PTPRT: variants seen among roughly 807,000 people sequenced by gnomAD.
PTPRT encodes protein tyrosine phosphatase receptor type T, also known as receptor-type tyrosine-protein phosphatase T.
PTPRT carries 56 observed loss-of-function variants against 176.8 expected under a neutral mutation model. The ratio of observed to expected loss-of-function variants is 0.32; its 90% confidence interval spans 0.26 to 0.40. The LOEUF (loss-of-function observed/expected upper bound fraction) is 0.40. PTPRT is among the 10% of genes least tolerant of loss of function. PTPRT has a pLI of 1.00. For missense variants in PTPRT, 1,540 were observed against 1,908.2 expected (o/e 0.81, Z 3.60); for synonymous variants, 783 against 739.0 (o/e 1.06, Z -0.96).
At chr20:43,110,926 C>A (rs559600511) in intron 1 of PTPRT, among the ~76,000 whole-genome samples, 1 of 152,080 alleles carries the variant, frequency 6.6e-6, no homozygotes, top group Non-Finnish European at 1.5e-5. Context: ...ATCTCAGTGA[C>A]GAGGCAGCAC....
chr20:42,440,508 C>T (rs1217094946), intron 9 of PTPRT, among the ~76,000 whole-genome samples: 12 of 150,014 alleles, frequency 8.0e-5, no homozygotes, highest in African/African-American at 2.7e-4. Flanking sequence ...GACAGAGTCT[C>T]GCTCTGTTGC....
rs370795038 is a variant in PTPRT at position 42,282,503 on chromosome 20, C to A, written c.2162G>T (p.Arg721Leu). 1 of 1,609,344 alleles carries A rather than the reference C, an allele frequency of 6.2e-7. No individual in the cohort carries two copies. Among genetic ancestry groups the A allele is most frequent in the East Asian group, 2.2e-5 (1 of 44,678 alleles). Residue 721 changes from arginine to leucine, a missense_variant, in exon 13 of 31, where the codon CGT becomes CTT. Around this residue, in one of 11 missense-constraint regions of PTPRT, gnomAD observed 255 missense variants for 250.1 expected, o/e 1.02. Coordinates refer to ENST00000373187, the MANE Select transcript of PTPRT (RefSeq NM_007050.6). ...ANGETKINCV[R>L]LATKGASTQN... is the part of the protein sequence containing the mutation. ...TGCCAACATACCTTTTGTAGCCAGA[C>A]GAACACAGTTGATTTTGGTCTCCTG...
chr20:42,094,943 C>T (rs1985041514), intron 27 of PTPRT, among the ~76,000 whole-genome samples: 1 of 152,104 alleles, frequency 6.6e-6, no homozygotes. Context: ...GTCTTTAACT[C>T]GTGGCCTCAA....
chr20:42,626,081 C>T (rs904529131), intron 7 of PTPRT, among the ~76,000 whole-genome samples: 3 of 151,994 alleles, frequency 2.0e-5, no homozygotes, highest in Admixed American at 6.6e-5. Context: ...GACTAACTAT[C>T]GAGCTTTTGT....
chr20:43,142,690 T>C (rs1278815917), intron 1 of PTPRT, among the ~76,000 whole-genome samples: 2 of 152,216 alleles, frequency 1.3e-5, no homozygotes, highest in Non-Finnish European at 2.9e-5. Context: ...CATTAAATAA[T>C]TAGCATTCAT....
In PTPRT at chr20:42,677,921, A is replaced by G. The variant is rs200154024; in HGVS notation, c.1098T>C (p.Gly366=). 9 of 1,613,880 alleles carry G rather than the reference A, an allele frequency of 5.6e-6. No individual in the cohort carries two copies. Among genetic ancestry groups the G allele is most frequent in the Non-Finnish European group, 7.6e-6 (9 of 1,179,992 alleles). The part of the protein sequence containing the change: ...YEIRVLLTRP[G]EGGTGPPGPP... Reference sequence around the variant, plus strand: ...GCCCTGGCGGTCCCGTACCCCCCTCACCTGGTCGTGTGAGGAGCACTCGGA... The same window carrying G: ...GCCCTGGCGGTCCCGTACCCCCCTCGCCTGGTCGTGTGAGGAGCACTCGGA... The change falls in exon 7 of 31, where the codon GGT becomes GGC. Residue 366 remains glycine, a synonymous_variant. Transcript: ENST00000373187.
chr20:42,880,620 C>G (rs2078999231), intron 2 of PTPRT, among the ~76,000 whole-genome samples: 1 of 152,094 alleles, frequency 6.6e-6, no homozygotes, highest in Non-Finnish European at 1.5e-5. Context: ...CTTGTGGAAA[C>G]CCATGCCAAA....
intron 2 of PTPRT, among the ~76,000 whole-genome samples, chr20:42,873,184 T>C (rs1306410302): frequency 6.6e-6 from 1 of 152,226 alleles, no homozygotes; most frequent in Non-Finnish European, 1.5e-5. Flanking sequence ...AAAAGGTGGA[T>C]GCCTGGGAGT....
Position 42,293,613 on chromosome 20 carries a change from A to T in PTPRT, c.2140-11088T>A, listed in dbSNP as rs563946947. On this transcript the variant is annotated intron_variant, in intron 12 of 30. Transcript: ENST00000373187. ...AGGATTTGAATATTATGTTCTCATGACTCCCAAAGTACTTTTTCTAGCATT... is the reference window on the plus strand; with the variant it reads ...AGGATTTGAATATTATGTTCTCATGTCTCCCAAAGTACTTTTTCTAGCATT... Among the ~76,000 whole-genome samples, 17 of 152,074 alleles carry T rather than the reference A, an allele frequency of 1.1e-4. No individual in the cohort carries two copies. In the South Asian group the frequency reaches 3.1e-3, roughly 28 times the overall value.
At chr20:43,055,404 T>C (rs552959133) in intron 1 of PTPRT, among the ~76,000 whole-genome samples, 23 of 152,256 alleles carry the variant, frequency 1.5e-4, no homozygotes, top group Non-Finnish European at 2.8e-4. Flanking sequence ...CTTTATCTTC[T>C]CCTCCCCTTT....
At chr20:42,335,645 A>T (rs562815116) in intron 11 of PTPRT, among the ~76,000 whole-genome samples, 1 of 152,298 alleles carries the variant, frequency 6.6e-6, no homozygotes, top group African/African-American at 2.4e-5. Context: ...AAATTTGAGA[A>T]TTTTTTTGAG....
chr20:42,464,883 T>C (rs1482765479), intron 8 of PTPRT, among the ~76,000 whole-genome samples: 1 of 152,180 alleles, frequency 6.6e-6, no homozygotes, highest in Non-Finnish European at 1.5e-5. Context: ...TACTGTGACC[T>C]GAGAAACCTG....
At chr20:42,311,753 T>C (rs1301985150) in intron 12 of PTPRT, among the ~76,000 whole-genome samples, 1 of 152,132 alleles carries the variant, frequency 6.6e-6, no homozygotes, top group African/African-American at 2.4e-5. Context: ...ATAGTTTTGA[T>C]TTTCATGTTT....
intron 7 of PTPRT, among the ~76,000 whole-genome samples, chr20:42,587,610 C>G (rs1376998770): frequency 6.6e-6 from 1 of 152,188 alleles, no homozygotes; most frequent in Non-Finnish European, 1.5e-5. Context: ...ACAGACACAG[C>G]TCCAAGCCCC....
At chr20:42,184,516 C>CCCCT (rs1225011786) in intron 16 of PTPRT, among the ~76,000 whole-genome samples, 1 of 139,442 alleles carries the variant, frequency 7.2e-6, no homozygotes, top group East Asian at 2.1e-4. Flanking sequence ...CCTCCTCCTC[C>CCCCT]TCCTTCTTCT....
At chr20:42,115,160 C>T (rs2146310575) in intron 22 of PTPRT, 39 bp downstream of exon 22, 1 of 1,467,402 alleles carries the variant, frequency 6.8e-7, no homozygotes, top group Non-Finnish European at 9.6e-7. Context: ...AGCTGGCTCT[C>T]ATGGTGGACC....
chr20:42,222,646 C>T (rs1393226059), intron 15 of PTPRT, among the ~76,000 whole-genome samples: 3 of 152,202 alleles, frequency 2.0e-5, no homozygotes, highest in Non-Finnish European at 4.4e-5. Context: ...GATAGCTGAA[C>T]GCGTGGAGGT....
intron 15 of PTPRT, among the ~76,000 whole-genome samples, chr20:42,234,895 G>A (rs1048752567): frequency 6.6e-6 from 1 of 152,152 alleles, no homozygotes; most frequent in African/African-American, 2.4e-5. Context: ...GCCTTTTGCT[G>A]GCTCCATCTT....
At chr20:42,625,600 C>T (rs1197864651) in intron 7 of PTPRT, among the ~76,000 whole-genome samples, 1 of 152,014 alleles carries the variant, frequency 6.6e-6, no homozygotes, top group Non-Finnish European at 1.5e-5. Context: ...TGCCACATCT[C>T]AATCTCAGAA....
Sources: gnomAD v4.1 joint callset for allele counts (sites outside exome capture counted in the v4.1 genomes callset) on GRCh38, gnomAD v4.1.1 for gene constraint, gnomAD v4.1.1 regional missense constraint, MANE v1.5 for transcripts, NCBI Gene and HGNC (gene_info 2026-07-23, HGNC 2026-07-21) for gene names.